Variants in FMNL3 observed in about 807,000 individuals in gnomAD.
The protein encoded by FMNL3 is formin like 3.
FMNL3 carries 57 observed loss-of-function variants against 119.6 expected under a neutral mutation model. That is an observed-to-expected ratio of 0.48 (90% confidence interval 0.39 to 0.59). The LOEUF (loss-of-function observed/expected upper bound fraction) is 0.59, where lower values mean the gene tolerates loss of function less well. Among genes scored for constraint, FMNL3 ranks in the 20% least tolerant of loss-of-function variants. The pLI, the probability that FMNL3 is intolerant of heterozygous loss-of-function variation, is 0.00. For missense variants in FMNL3, 1,053 were observed against 1,323.5 expected (o/e 0.80, Z 3.17); for synonymous variants, 491 against 507.3 (o/e 0.97, Z 0.43).
intron 1 of FMNL3, among the ~76,000 whole-genome samples, chr12:49,677,222 G>A (rs1186106595): frequency 6.6e-6 from 1 of 152,158 alleles, no homozygotes; most frequent in African/African-American, 2.4e-5. Flanking sequence ...ACTTTTAAAT[G>A]TGTTCATGGA....
At chr12:49,673,216 G>A (rs1181418378) in intron 1 of FMNL3, among the ~76,000 whole-genome samples, 1 of 152,158 alleles carries the variant, frequency 6.6e-6, no homozygotes. Flanking sequence ...GCTGTCCTGG[G>A]CACCACACAC....
intron 5 of FMNL3, 153 bp downstream of exon 5, chr12:49,661,813 C>T (rs1464389048): frequency 1.4e-6 from 1 of 706,086 alleles, no homozygotes; most frequent in Non-Finnish European, 2.5e-6. Context: ...GGCTTGCCTG[C>T]CTACTTCCAC....
rs1424510850 is a variant in FMNL3, at chr12:49,642,804, G to A, written c.*3011C>T. The A allele has an allele frequency of 1.7e-5, 24 of 1,420,638 alleles. No individual in the cohort carries two copies. Among genetic ancestry groups the A allele is most frequent in the Non-Finnish European group, 2.3e-5 (24 of 1,031,290 alleles). 88.0% of individuals were successfully genotyped at this position (1,420,638 alleles called of 1,614,324 possible). ...GCCAGCTAAGGAAGGGGAGGCCTGA[G>A]GATCCCTGGGATAGGCAGAAGGCTC... On this transcript the variant is annotated 3_prime_UTR_variant, in exon 26 of 26. Coordinates refer to ENST00000335154, the MANE Select transcript of FMNL3 (RefSeq NM_175736.5). The surrounding 1 kb of genome is among the most constrained non-coding windows in gnomAD (Gnocchi z 5.8).
At chr12:49,702,406 G>C (rs1038107205) in intron 1 of FMNL3, among the ~76,000 whole-genome samples, 1 of 152,148 alleles carries the variant, frequency 6.6e-6, no homozygotes, top group Non-Finnish European at 1.5e-5. Flanking sequence ...ATTTGGTAAA[G>C]GAACTAAGAA....
In FMNL3 at chr12:49,644,279, T is replaced by A. The variant is rs1943053779; in HGVS notation, c.*1536A>T. 2.1e-6 allele frequency: 3 copies of A among 1,462,544 alleles called. No homozygotes were observed. Among genetic ancestry groups the A allele is most frequent in the South Asian group, 2.3e-5 (2 of 85,388 alleles). The allele number at this position is 1,462,544 out of a possible 1,614,324, so 90.6% of individuals were successfully genotyped here. A position where few individuals can be genotyped will look rare whatever the true frequency, so the allele number is the denominator to read the frequency against. On this transcript the variant is annotated 3_prime_UTR_variant, in exon 26 of 26. Transcript: ENST00000335154. ...CGTCTGCCTCAGACTTCTTCCTTAG[T>A]CTGGTCTGTGTCCACTTTTTCTAAA... is the stretch of plus-strand genomic sequence containing the variant.
chr12:49,660,574 A>C (rs1943703633), intron 5 of FMNL3, among the ~76,000 whole-genome samples: 1 of 152,254 alleles, frequency 6.6e-6, no homozygotes, highest in Non-Finnish European at 1.5e-5. Flanking sequence ...GGCGCCGAAC[A>C]TAGAAGAAGC....
intron 1 of FMNL3, among the ~76,000 whole-genome samples, chr12:49,698,102 T>C (rs1944800997): frequency 2.6e-5 from 4 of 152,218 alleles, no homozygotes. Context: ...TCATGTCAAC[T>C]TTCTTAGAGA....
chr12:49,647,406 T>A lies in FMNL3; in HGVS notation c.2779-38A>T. 6.3e-7 allele frequency: 1 copy of A among 1,578,968 alleles called. No individual in the cohort carries two copies. Among genetic ancestry groups the A allele is most frequent in the Non-Finnish European group, 8.7e-7 (1 of 1,154,724 alleles). On this transcript the variant is annotated intron_variant, in intron 23 of 25. Coordinates refer to ENST00000335154, the MANE Select transcript of FMNL3 (RefSeq NM_175736.5). The surrounding 1 kb of genome is among the most constrained non-coding windows in gnomAD (Gnocchi z 4.9). Reference sequence around the variant, plus strand: ...GAAGATGGGGGGTGGGGAGTGAGGCTCATAGGCTGTGAGGGGAGGGGCTGA... The same window carrying A: ...GAAGATGGGGGGTGGGGAGTGAGGCACATAGGCTGTGAGGGGAGGGGCTGA...
chr12:49,657,655 A>G (rs558227592), intron 6 of FMNL3, among the ~76,000 whole-genome samples: 1 of 152,272 alleles, frequency 6.6e-6, no homozygotes, highest in Admixed American at 6.5e-5. Flanking sequence ...CCACAGGGCT[A>G]TGTCTGGCTT....
chr12:49,642,066 T>C lies in FMNL3; in HGVS notation c.*3749A>G. 6.2e-7 allele frequency: 1 copy of C among 1,606,222 alleles called. No homozygotes were observed. Among genetic ancestry groups the C allele is most frequent in the Non-Finnish European group, 8.5e-7 (1 of 1,175,868 alleles). On this transcript the variant is annotated 3_prime_UTR_variant, in exon 26 of 26. Transcript: ENST00000335154. This position sits in a 1 kb window ranked among gnomAD's most constrained non-coding sequence, Gnocchi z 5.8. Reference sequence around the variant, plus strand: ...GGCGTGGGAAGTTCTCTAATTCATCTGTGTCTTGCTCCATTCCTTCTCACT... The same window carrying C: ...GGCGTGGGAAGTTCTCTAATTCATCCGTGTCTTGCTCCATTCCTTCTCACT...
chr12:49,637,700 G>T lies in FMNL3; in HGVS notation c.*8115C>A, dbSNP rs759484452. ...AGCCCCCAGGCCTTGGGAAGCTGCC[G>T]CCCGCCAGGCCCCCCTCCCTCCCTC... On this transcript the variant is annotated 3_prime_UTR_variant, in exon 26 of 26. Transcript: ENST00000335154. 1.3e-5 allele frequency: 15 copies of T among 1,127,658 alleles called. No homozygotes were observed. The highest frequency in any genetic ancestry group is 1.8e-5 in the Non-Finnish European group (14 of 778,500). The allele number at this position is 1,127,658 out of a possible 1,614,324, so 69.9% of individuals were successfully genotyped here.
intron 1 of FMNL3, among the ~76,000 whole-genome samples, chr12:49,696,066 T>C (rs770769894): frequency 1.3e-5 from 2 of 152,204 alleles, no homozygotes; most frequent in African/African-American, 2.4e-5. Context: ...TATAGCTGTC[T>C]CTTGGTATTT....
At position 49,649,068 on chromosome 12, in the gene FMNL3, A is replaced by C. The variant is rs1943307145; in HGVS notation, c.2476T>G (p.Phe826Val). The change falls in exon 21 of 26, where the codon TTC (phenylalanine) becomes GTC (valine). Residue 826 changes from phenylalanine to valine, a missense_variant. Transcript: ENST00000335154. The surrounding 1 kb of genome is among the most constrained non-coding windows in gnomAD (Gnocchi z 5.6). ...TCAACAAAGTGCAGCTCATGCCAGAAGTTAGCCAGGTCTGGGTATTTCTCC... is the reference window on the plus strand; with the variant it reads ...TCAACAAAGTGCAGCTCATGCCAGACGTTAGCCAGGTCTGGGTATTTCTCC... ...VKEKYPDLAN[F>V]WHELHFVEKA... 1.2e-6 allele frequency: 2 copies of C among 1,612,234 alleles called. No individual in the cohort carries two copies. The highest frequency in any genetic ancestry group is 3.3e-5 in the Admixed American group (2 of 59,868).
Position 49,642,989 on chromosome 12 carries a change from C to A in FMNL3, c.*2826G>T. 6.2e-7 allele frequency: 1 copy of A among 1,613,812 alleles called. No homozygotes were observed. The highest frequency in any genetic ancestry group is 8.5e-7 in the Non-Finnish European group (1 of 1,179,868). ...AGCATGGCAGGAAAGGCAAGAAGCA[C>A]CATCACAAGCGTTCCCACTCACCCT... On this transcript the variant is annotated 3_prime_UTR_variant, in exon 26 of 26. Transcript: ENST00000335154. The surrounding 1 kb of genome is among the most constrained non-coding windows in gnomAD (Gnocchi z 5.8).
At position 49,637,237 on chromosome 12, in the gene FMNL3, G is replaced by A. The variant is rs142467817; in HGVS notation, c.*8578C>T. 29 of 577,444 alleles carry A rather than the reference G, an allele frequency of 5.0e-5. No individual in the cohort carries two copies. The highest frequency in any genetic ancestry group is 3.5e-4 in the South Asian group (16 of 46,122). The allele number at this position is 577,444 out of a possible 1,614,324, so 35.8% of individuals were successfully genotyped here. Reference sequence around the variant, plus strand: ...GCAGGTTTCTGTTTCTTTGCATCCCGGGACTGGCTTGTTCTCACCTTTTTG... The same window carrying A: ...GCAGGTTTCTGTTTCTTTGCATCCCAGGACTGGCTTGTTCTCACCTTTTTG... On this transcript the variant is annotated 3_prime_UTR_variant, in exon 26 of 26. Transcript: ENST00000335154.
intron 1 of FMNL3, among the ~76,000 whole-genome samples, chr12:49,703,023 A>G (rs1236197323): frequency 6.6e-6 from 1 of 152,188 alleles, no homozygotes; most frequent in African/African-American, 2.4e-5. Flanking sequence ...AGTCATCACC[A>G]GGGAAATGTG....
chr12:49,674,348 G>A (rs1944127641), intron 1 of FMNL3, among the ~76,000 whole-genome samples: 1 of 152,290 alleles, frequency 6.6e-6, no homozygotes. Context: ...ATAGAGTAGG[G>A]GCAAACACTT....
chr12:49,644,482 C>T lies in FMNL3; in HGVS notation c.*1333G>A, dbSNP rs1441987304. 6 of 423,670 alleles carry T rather than the reference C, an allele frequency of 1.4e-5. No homozygotes were observed. Among genetic ancestry groups the T allele is most frequent in the Non-Finnish European group, 2.7e-5 (6 of 224,474 alleles). 26.2% of individuals were successfully genotyped at this position (423,670 alleles called of 1,614,324 possible). A position where few individuals can be genotyped will look rare whatever the true frequency, so the allele number is the denominator to read the frequency against. On this transcript the variant is annotated 3_prime_UTR_variant, in exon 26 of 26. Coordinates refer to ENST00000335154, the MANE Select transcript of FMNL3 (RefSeq NM_175736.5). The stretch of plus-strand genomic sequence containing the variant: ...GATAAAAGTGTGAGAGAAGGGGTCT[C>T]CAGGGAAGAGTCACAGGCTGTTGGA...
Position 49,644,398 on chromosome 12 carries a change from C to A in FMNL3, c.*1417G>T. The A allele has an allele frequency of 1.7e-6, 1 of 599,132 alleles. No individual in the cohort carries two copies. The highest frequency in any genetic ancestry group is 3.0e-6 in the Non-Finnish European group (1 of 334,868). The allele number at this position is 599,132 out of a possible 1,614,324, so 37.1% of individuals were successfully genotyped here. ...ACTCCCTGGACTAGTGCAGTCCTTG[C>A]CCTCAGCCCCAGACCAGAGATGGGT... On this transcript the variant is annotated 3_prime_UTR_variant, in exon 26 of 26. Coordinates refer to ENST00000335154, the MANE Select transcript of FMNL3 (RefSeq NM_175736.5).
Sources: allele counts gnomAD v4.1 joint callset (sites outside exome capture counted in the v4.1 genomes callset), GRCh38; gene constraint gnomAD v4.1.1; non-coding constraint Gnocchi (gnomAD v3.1); transcripts MANE v1.5; gene names NCBI Gene and HGNC (gene_info 2026-07-23, HGNC 2026-07-21).